Variants in PEX5L observed in about 807,000 individuals in gnomAD.
The protein encoded by PEX5L is PEX5-related protein.
PEX5L carries 30 observed loss-of-function variants against 84.0 expected under a neutral mutation model. The ratio of observed to expected loss-of-function variants is 0.36; its 90% CI spans 0.27 to 0.48. PEX5L has a LOEUF of 0.48. Among genes scored for constraint, PEX5L ranks in the 20% least tolerant of loss-of-function variants. The probability of loss-of-function intolerance (pLI) is 0.99; values close to 1 mark genes in which losing one functional copy is unlikely to be tolerated. For missense variants in PEX5L, 533 were observed against 754.6 expected (o/e 0.71, Z 3.44); for synonymous variants, 270 against 283.1 (o/e 0.95, Z 0.46).
At chr3:180,009,379 A>G (rs1789215695) in intron 1 of PEX5L, among the ~76,000 whole-genome samples, 1 of 152,212 alleles carries the variant, frequency 6.6e-6, no homozygotes, top group African/African-American at 2.4e-5. Context: ...AGGTATGCCT[A>G]TCTACTCTCT....
intron 8 of PEX5L, among the ~76,000 whole-genome samples, chr3:179,844,652 C>T (rs1244982390): frequency 1.3e-5 from 2 of 152,068 alleles, no homozygotes; most frequent in African/African-American, 4.8e-5. Flanking sequence ...CACGGTGAAA[C>T]CCTGTCTCTA....
rs61353110 is a variant in PEX5L, at chr3:180,033,232, G to C, written c.21+3347C>G. ...GGCTGTTAATAATCTTACAATTTTT[G>C]TCATTTAAATTTTCCTTAGTTTATG... On this transcript the variant is annotated intron_variant, in intron 1 of 14. Coordinates refer to ENST00000467460, the MANE Select transcript of PEX5L (RefSeq NM_016559.3). Among the ~76,000 whole-genome samples, 549 of 152,246 alleles carry C rather than the reference G, an allele frequency of 3.6e-3. 5 individuals are homozygous for C. The highest frequency in any genetic ancestry group is 0.013 in the African/African-American group (523 of 41,538).
At chr3:179,956,312 G>A (rs79770810) in intron 2 of PEX5L, among the ~76,000 whole-genome samples, 9 of 152,060 alleles carry the variant, frequency 5.9e-5, no homozygotes, top group Non-Finnish European at 1.0e-4. Flanking sequence ...TTGCATTTTG[G>A]AGCCCTAGGA....
At chr3:179,982,019 T>C (rs1382161985) in intron 1 of PEX5L, among the ~76,000 whole-genome samples, 1 of 152,236 alleles carries the variant, frequency 6.6e-6, no homozygotes, top group Non-Finnish European at 1.5e-5. Flanking sequence ...CTAATGTGTT[T>C]TTAAGAGAAT....
intron 8 of PEX5L, among the ~76,000 whole-genome samples, chr3:179,836,031 GA>G (rs1208201615): frequency 6.6e-6 from 1 of 152,050 alleles, no homozygotes; most frequent in African/African-American, 2.4e-5. Context: ...TGAACAAAAA[GA>G]AAAAATAACC....
chr3:179,822,010 C>T (rs755780557), intron 8 of PEX5L, among the ~76,000 whole-genome samples: 2 of 152,016 alleles, frequency 1.3e-5, no homozygotes, highest in Non-Finnish European at 2.9e-5. Flanking sequence ...TTTTTTAATA[C>T]CACAAAACCT....
intron 3 of PEX5L, chr3:179,888,106 A>G (rs1756472768): frequency 3.1e-6 from 4 of 1,277,764 alleles, no homozygotes; most frequent in Non-Finnish European, 4.1e-6. Flanking sequence ...CTAAGGGCCA[A>G]TCCCACTCCT....
In PEX5L at chr3:180,015,209, CT is replaced by C. The variant is rs1789840045; in HGVS notation, c.21+21369del. Among the ~76,000 whole-genome samples, 3 of 152,146 alleles carry C rather than the reference CT, an allele frequency of 2.0e-5. No homozygotes were observed. The South Asian group carries it at 6.2e-4, about 32-fold the overall frequency. On this transcript the variant is annotated intron_variant, in intron 1 of 14. Transcript: ENST00000467460. ...AACCCCTTGAGGACAGGAACCACAC[CT>C]CATTCATCTTTGTATCCCTTCCTGC...
In PEX5L at chr3:179,798,575, G is replaced by T. The variant is rs2108620631; in HGVS notation, c.*3253C>A. On this transcript the variant is annotated 3_prime_UTR_variant, in exon 15 of 15. Transcript: ENST00000467460. ...CTACAGGCGAAGTCAGTCCCTGGAA[G>T]TCACCTGTATGTAACTGAAGTCACC... The T allele has an allele frequency of 1.3e-5, 2 of 152,276 alleles. No individual in the cohort carries two copies. The highest frequency in any genetic ancestry group is 4.1e-4 in the South Asian group (2 of 4,822). The allele number at this position is 152,276 out of a possible 1,614,324, so 9.4% of individuals were successfully genotyped here. A position where few individuals can be genotyped will look rare whatever the true frequency, so the allele number is the denominator to read the frequency against.
rs549722014 is a variant in PEX5L at position 180,014,824 on chromosome 3, A to G, written c.21+21755T>C. Among the ~76,000 whole-genome samples, 12 of 152,214 alleles carry G rather than the reference A, an allele frequency of 7.9e-5. No homozygotes were observed. In the East Asian group the frequency reaches 2.3e-3, roughly 29 times the overall value. The stretch of plus-strand genomic sequence containing the variant: ...AACCACAAACGAACCCCGAAATCTG[A>G]ATTGGGATTATTATGGTGATTTCGA... On this transcript the variant is annotated intron_variant, in intron 1 of 14. Coordinates refer to ENST00000467460, the MANE Select transcript of PEX5L (RefSeq NM_016559.3).
chr3:179,842,555 T>C lies in PEX5L; in HGVS notation c.822+16507A>G, dbSNP rs190568755. Among the ~76,000 whole-genome samples the C allele has an allele frequency of 2.8e-4, 42 of 152,262 alleles. No homozygotes were observed. The Middle Eastern group carries it at 0.01, about 37-fold the overall frequency. ...AAATATTTTTATAAATAGAACAGTA[T>C]GTAGAGTCATTTTATTGAACTTTGA... is the stretch of plus-strand genomic sequence containing the variant. On this transcript the variant is annotated intron_variant, in intron 8 of 14. Coordinates refer to ENST00000467460, the MANE Select transcript of PEX5L (RefSeq NM_016559.3).
rs960612349 is a variant in PEX5L at position 179,797,036 on chromosome 3, T to G, written c.*4792A>C. On this transcript the variant is annotated 3_prime_UTR_variant, in exon 15 of 15. Coordinates refer to ENST00000467460, the MANE Select transcript of PEX5L (RefSeq NM_016559.3). ...TTAGAATATCAGTTTTTCTAATTTATTCCCAAACTTTTAGAAAAATTTTGA... is the reference window on the plus strand; with the variant it reads ...TTAGAATATCAGTTTTTCTAATTTAGTCCCAAACTTTTAGAAAAATTTTGA... 4.6e-5 allele frequency: 7 copies of G among 152,230 alleles called. No individual in the cohort carries two copies. The highest frequency in any genetic ancestry group is 1.7e-4 in the African/African-American group (7 of 41,470). 9.4% of individuals were successfully genotyped at this position (152,230 alleles called of 1,614,324 possible).
At position 179,801,139 on chromosome 3, in the gene PEX5L, T is replaced by G. The variant is rs1308226789; in HGVS notation, c.*689A>C. 1.3e-5 allele frequency: 2 copies of G among 152,546 alleles called. No individual in the cohort carries two copies. The highest frequency in any genetic ancestry group is 2.9e-5 in the Non-Finnish European group (2 of 68,040). The allele number at this position is 152,546 out of a possible 1,614,324, so 9.4% of individuals were successfully genotyped here. ...AGTTCTTAAATCTTTCACCCCCAAG[T>G]TAAAAATTGGAGCAACAAAACAAAA... On this transcript the variant is annotated 3_prime_UTR_variant, in exon 15 of 15. Transcript: ENST00000467460.
At chr3:179,823,022 C>A (rs1488104989) in intron 8 of PEX5L, among the ~76,000 whole-genome samples, 2 of 152,052 alleles carry the variant, frequency 1.3e-5, no homozygotes, top group Non-Finnish European at 2.9e-5. Flanking sequence ...GTTATGACAA[C>A]TAAATGAGAA....
chr3:179,809,222 A>G (rs1722752651), intron 12 of PEX5L, among the ~76,000 whole-genome samples: 1 of 152,060 alleles, frequency 6.6e-6, no homozygotes, highest in Non-Finnish European at 1.5e-5. Context: ...TGTCCAAAGC[A>G]TTTGACTTTA....
chr3:179,833,626 C>T (rs984383866), intron 8 of PEX5L, among the ~76,000 whole-genome samples: 1 of 152,170 alleles, frequency 6.6e-6, no homozygotes, highest in Non-Finnish European at 1.5e-5. Context: ...AGTGATTCCA[C>T]TCTCAGCCTC....
chr3:179,841,053 G>C (rs879366640), intron 8 of PEX5L, among the ~76,000 whole-genome samples: 1 of 152,118 alleles, frequency 6.6e-6, no homozygotes, highest in Non-Finnish European at 1.5e-5. Context: ...AGATACAAGT[G>C]GGGGAGACAG....
At chr3:179,852,364 T>C (rs1577611998) in intron 8 of PEX5L, among the ~76,000 whole-genome samples, 1 of 152,168 alleles carries the variant, frequency 6.6e-6, no homozygotes, top group East Asian at 1.9e-4. Context: ...GAGGCCACAG[T>C]ATATACAATG....
At chr3:179,875,578 G>A (rs2108732465) in intron 5 of PEX5L, 101 bp from the exon 6 acceptor site, 1 of 774,116 alleles carries the variant, frequency 1.3e-6, no homozygotes, top group Non-Finnish European at 2.1e-6. Context: ...TGGTGCAGAG[G>A]GAAAAAGATT....
Sources: gnomAD v4.1 joint callset for allele counts (sites outside exome capture counted in the v4.1 genomes callset) on GRCh38, gnomAD v4.1.1 for gene constraint, MANE v1.5 for transcripts, NCBI Gene and HGNC (gene_info 2026-07-23, HGNC 2026-07-21) for gene names.